CEP128: variants seen among roughly 807,000 people sequenced by gnomAD.
The protein encoded by CEP128 is centrosomal protein 128kDa.
A neutral mutation model predicts 156.7 loss-of-function variants in CEP128; 132 were observed. The observed-to-expected ratio is 0.84, with a 90% CI of 0.73 to 0.97. The LOEUF is 0.97. Among genes scored for constraint, CEP128 ranks in the 50% least tolerant of loss-of-function variants. The probability of loss-of-function intolerance (pLI) is 0.00; values close to 1 mark genes in which losing one functional copy is unlikely to be tolerated. For missense variants in CEP128, 1,252 were observed against 1,281.9 expected (o/e 0.98, Z 0.36); for synonymous variants, 469 against 448.9 (o/e 1.04, Z -0.57).
At chr14:80,781,337 G>A (rs528736050) in intron 15 of CEP128, among the ~76,000 whole-genome samples, 109 of 151,544 alleles carry the variant, frequency 7.2e-4, no homozygotes, top group African/African-American at 2.6e-3. Flanking sequence ...CGCACCTGTA[G>A]TCCCAGCTAC....
intron 19 of CEP128, among the ~76,000 whole-genome samples, chr14:80,700,748 A>G (rs1362561094): frequency 6.6e-6 from 1 of 152,178 alleles, no homozygotes; most frequent in African/African-American, 2.4e-5. Context: ...GCAATGTAAT[A>G]TTCAGCTTCT....
At chr14:80,855,573 A>G (rs141262911) in intron 9 of CEP128, among the ~76,000 whole-genome samples, 1 of 152,176 alleles carries the variant, frequency 6.6e-6, no homozygotes, top group East Asian at 1.9e-4. Flanking sequence ...ACTACAAAAA[A>G]AAAGGGGCAT....
At chr14:80,577,351 C>T (rs554738038) in intron 20 of CEP128, among the ~76,000 whole-genome samples, 1 of 152,230 alleles carries the variant, frequency 6.6e-6, no homozygotes, top group South Asian at 2.1e-4. Flanking sequence ...CTCAAATGAA[C>T]CTCCCTTAAC....
intron 23 of CEP128, chr14:80,514,625 C>A: frequency 2.9e-6 from 1 of 344,386 alleles, no homozygotes. Context: ...TAAATTCCTT[C>A]TCTGTGTTAT....
At chr14:80,941,039 T>C (rs964307702) in intron 1 of CEP128, among the ~76,000 whole-genome samples, 4 of 152,194 alleles carry the variant, frequency 2.6e-5, no homozygotes, top group African/African-American at 9.7e-5. Flanking sequence ...GGATTCAATG[T>C]CAGGTATTTT....
chr14:80,840,612 C>T, intron 10 of CEP128, 70 bp downstream of exon 10: 2 of 933,292 alleles, frequency 2.1e-6, no homozygotes, highest in Non-Finnish European at 3.5e-6. Context: ...GGACACTTTT[C>T]AAGGCACTCA....
chr14:80,687,156 T>C (rs900405729), intron 19 of CEP128, among the ~76,000 whole-genome samples: 2 of 152,012 alleles, frequency 1.3e-5, no homozygotes, highest in Non-Finnish European at 2.9e-5. Flanking sequence ...TACTCTAAAA[T>C]CAATCACATA....
chr14:80,700,765 C>T (rs1376643893), intron 19 of CEP128, among the ~76,000 whole-genome samples: 1 of 152,066 alleles, frequency 6.6e-6, no homozygotes, highest in Non-Finnish European at 1.5e-5. Flanking sequence ...TTCTGGTATG[C>T]AAAATAGGAT....
intron 13 of CEP128, among the ~76,000 whole-genome samples, chr14:80,804,046 T>G (rs971541293): frequency 1.3e-5 from 2 of 152,070 alleles, no homozygotes; most frequent in African/African-American, 4.8e-5. Flanking sequence ...TATACTAGAA[T>G]AAACATGTGT....
At chr14:80,639,603 A>T (rs1894328319) in intron 19 of CEP128, among the ~76,000 whole-genome samples, 1 of 152,166 alleles carries the variant, frequency 6.6e-6, no homozygotes, top group African/African-American at 2.4e-5. Context: ...GGACCACCCA[A>T]ATCCTGTTAT....
intron 6 of CEP128, among the ~76,000 whole-genome samples, chr14:80,491,248 C>T (rs1006227141): frequency 6.6e-6 from 1 of 152,300 alleles, no homozygotes; most frequent in African/African-American, 2.4e-5. Context: ...TTCCACGGTA[C>T]ACACTGGCTT....
chr14:80,914,890 T>G (rs1318535354), intron 3 of CEP128, among the ~76,000 whole-genome samples: 1 of 152,232 alleles, frequency 6.6e-6, no homozygotes, highest in Non-Finnish European at 1.5e-5. Context: ...GAAATGGTTC[T>G]TATCTAAATA....
chr14:80,797,143 C>T (rs573444979), intron 13 of CEP128, among the ~76,000 whole-genome samples: 1 of 152,120 alleles, frequency 6.6e-6, no homozygotes, highest in Non-Finnish European at 1.5e-5. Context: ...CTCACTTGAA[C>T]CCAGAAGCAA....
At chr14:80,777,747 T>C in intron 16 of CEP128, 135 bp downstream of exon 16, 1 of 648,270 alleles carries the variant, frequency 1.5e-6, no homozygotes, top group Non-Finnish European at 2.5e-6. Flanking sequence ...TCTAATAAAC[T>C]GACTTTTTTG....
rs1901843243 is a variant in CEP128 at position 80,793,799 on chromosome 14, T to A, written c.1210-689A>T. ...GCTTCCCTGAAGCCAGGATGGTGAT[T>A]ATATATTTGGAAATTACACTAAATC... is the stretch of plus-strand genomic sequence containing the variant. On this transcript the variant is annotated intron_variant, in intron 13 of 24. Transcript: ENST00000555265. Among the ~76,000 whole-genome samples the A allele has an allele frequency of 2.6e-5, 4 of 152,272 alleles. No homozygotes were observed. In the South Asian group the frequency reaches 8.3e-4, roughly 32 times the overall value.
intron 19 of CEP128, among the ~76,000 whole-genome samples, chr14:80,671,025 C>T (rs1895819043): frequency 6.6e-6 from 1 of 152,064 alleles, no homozygotes; most frequent in African/African-American, 2.4e-5. Context: ...TTAACTTCTG[C>T]TAAACCAGAG....
chr14:80,488,685 G>T (rs1004556815), downstream of CEP128, among the ~76,000 whole-genome samples: 1 of 152,086 alleles, frequency 6.6e-6, no homozygotes, highest in East Asian at 1.9e-4. Context: ...ACATGCACAC[G>T]TATGTTTATT....
Position 80,685,333 on chromosome 14 carries a change from T to C in CEP128, c.2806+57742A>G, listed in dbSNP as rs186609803. ...CAAGCTGAGAGCCAAATCAAGAACC[T>C]AATCCCATTTACAACAGCCATGAAA... On this transcript the variant is annotated intron_variant, in intron 19 of 24. Transcript: ENST00000555265. Among the ~76,000 whole-genome samples, 209 of 151,972 alleles carry C rather than the reference T, an allele frequency of 1.4e-3. 1 individual carries two copies. The highest frequency in any genetic ancestry group is 4.9e-3 in the African/African-American group (204 of 41,482).
At chr14:80,631,211 C>G (rs1197833086) in intron 19 of CEP128, among the ~76,000 whole-genome samples, 1 of 152,000 alleles carries the variant, frequency 6.6e-6, no homozygotes, top group Admixed American at 6.6e-5. Flanking sequence ...TAAGTAGAGT[C>G]TTTAGCCCAG....
Sources: allele counts gnomAD v4.1 joint callset (sites outside exome capture counted in the v4.1 genomes callset), GRCh38; gene constraint gnomAD v4.1.1; transcripts MANE v1.5; gene names NCBI Gene and HGNC (gene_info 2026-07-23, HGNC 2026-07-21).